VRTN: variants seen among roughly 807,000 people sequenced by gnomAD.
The protein encoded by VRTN is vertebrae development associated, also known as vertnin.
VRTN carries 5 observed loss-of-function variants against 18.2 expected under a neutral mutation model. The observed-to-expected ratio is 0.27, with a 90% CI of 0.14 to 0.58. VRTN has a LOEUF of 0.58. Ranked by LOEUF, VRTN falls within the 20% of genes least tolerant of loss-of-function variation. The probability of loss-of-function intolerance (pLI) is 0.91; values close to 1 mark genes in which losing one functional copy is unlikely to be tolerated. For missense variants in VRTN, 741 were observed against 939.4 expected (o/e 0.79, Z 2.76); for synonymous variants, 381 against 393.7 (o/e 0.97, Z 0.38).
chr14:74,332,203 C>A (rs1355682084), intron 1 of VRTN, among the ~76,000 whole-genome samples: 1 of 152,006 alleles, frequency 6.6e-6, no homozygotes, highest in Admixed American at 6.6e-5. Context: ...CAAACCTACT[C>A]ACTCCCAATC....
rs150180477 is a variant in VRTN at position 74,313,417 on chromosome 14, GAA to G, written c.-164+10243_-164+10244del. On this transcript the variant is annotated intron_variant, in intron 1 of 2. Transcript: ENST00000557177. ...CAATGTGAAAGTTCTTAAAAAAAAT[GAA>G]AGTTTGTTAAAATACTCAAGAATAG... Among the ~76,000 whole-genome samples the G allele has an allele frequency of 6.4e-3, 976 of 152,272 alleles. 9 individuals carry two copies. The highest frequency in any genetic ancestry group is 0.022 in the African/African-American group (924 of 41,564).
At chr14:74,342,248 GA>G (rs35159504) in intron 2 of VRTN, among the ~76,000 whole-genome samples, 80 of 143,524 alleles carry the variant, frequency 5.6e-4, no homozygotes, top group Middle Eastern at 7.4e-3. Flanking sequence ...CCCTGCTTCA[GA>G]AAAAAAAAAA....
chr14:74,354,970 C>T (rs933289257), intron 1 of VRTN, among the ~76,000 whole-genome samples: 5 of 151,646 alleles, frequency 3.3e-5, no homozygotes, highest in East Asian at 3.9e-4. Context: ...GGTGAAACCC[C>T]GTCTCTACTA....
rs1459684472 is a variant in VRTN, at chr14:74,359,231, A to G, written c.*339A>G. ...AAGCCGTATGTATGTCAGGGGGTTT[A>G]GAGGGGGGTTGGTTAGCTAGAGCTG... On this transcript the variant is annotated 3_prime_UTR_variant, in exon 2 of 2. Coordinates refer to ENST00000256362, the MANE Select transcript of VRTN (RefSeq NM_018228.3). 8.2e-6 allele frequency: 2 copies of G among 243,220 alleles called. No homozygotes were observed. Among genetic ancestry groups the G allele is most frequent in the Non-Finnish European group, 1.7e-5 (2 of 117,720 alleles). 15.1% of individuals were successfully genotyped at this position (243,220 alleles called of 1,614,324 possible).
chr14:74,325,263 T>G (rs1340247458), intron 1 of VRTN, among the ~76,000 whole-genome samples: 2 of 151,998 alleles, frequency 1.3e-5, no homozygotes, highest in South Asian at 2.1e-4. Flanking sequence ...AATGAGAAAC[T>G]AACGCAGATT....
intron 1 of VRTN, among the ~76,000 whole-genome samples, chr14:74,332,194 A>C (rs2085530550): frequency 6.6e-6 from 1 of 151,958 alleles, no homozygotes; most frequent in African/African-American, 2.4e-5. Flanking sequence ...GACCCCTCCC[A>C]AACCTACTCA....
At chr14:74,313,854 A>T (rs1164985179) in intron 1 of VRTN, among the ~76,000 whole-genome samples, 1 of 152,142 alleles carries the variant, frequency 6.6e-6, no homozygotes, top group African/African-American at 2.4e-5. Flanking sequence ...GTGGTGGTGC[A>T]AGCTGTAGTC....
chr14:74,335,802 A>G (rs530861949), intron 1 of VRTN, among the ~76,000 whole-genome samples: 3 of 144,290 alleles, frequency 2.1e-5, no homozygotes, highest in Non-Finnish European at 4.5e-5. Flanking sequence ...GTGCAGTGGT[A>G]TGGTCTCGGC....
At position 74,359,079 on chromosome 14, in the gene VRTN, G is replaced by C. The variant is rs892635240; in HGVS notation, c.*187G>C. The C allele has an allele frequency of 3.4e-6, 4 of 1,166,402 alleles. No individual in the cohort carries two copies. The highest frequency in any genetic ancestry group is 6.4e-5 in the Admixed American group (2 of 31,224). The allele number at this position is 1,166,402 out of a possible 1,614,324, so 72.3% of individuals were successfully genotyped here. A position where few individuals can be genotyped will look rare whatever the true frequency, so the allele number is the denominator to read the frequency against. On this transcript the variant is annotated 3_prime_UTR_variant, in exon 2 of 2. Coordinates refer to ENST00000256362, the MANE Select transcript of VRTN (RefSeq NM_018228.3). ...GAGAATGCCAGAAATCAGCCATCTG[G>C]TCTCCCGTAGGAAACTGTGGGACCA...
intron 1 of VRTN, 116 bp from the exon 2 acceptor site, chr14:74,356,667 G>A: frequency 1.5e-6 from 2 of 1,369,916 alleles, no homozygotes; most frequent in Non-Finnish European, 9.7e-7. Flanking sequence ...TGGGAGGACG[G>A]GAGCAGATAG....
chr14:74,346,221 C>G (rs1456313008), upstream of VRTN, among the ~76,000 whole-genome samples: 2 of 151,872 alleles, frequency 1.3e-5, no homozygotes, highest in Non-Finnish European at 2.9e-5. Context: ...CAGGATCACT[C>G]GAGCTCGGAG....
intron 1 of VRTN, among the ~76,000 whole-genome samples, chr14:74,318,513 C>T (rs557859430): frequency 9.9e-5 from 15 of 152,146 alleles, no homozygotes; most frequent in African/African-American, 2.2e-4. Flanking sequence ...TCAGGTGATC[C>T]GCCTGCCTCG....
chr14:74,305,820 G>A (rs1224989470), intron 1 of VRTN, among the ~76,000 whole-genome samples: 1 of 151,946 alleles, frequency 6.6e-6, no homozygotes, highest in Non-Finnish European at 1.5e-5. Context: ...CTTTTATGTC[G>A]AGACAGGGTT....
chr14:74,318,428 G>A (rs139365556), intron 1 of VRTN, among the ~76,000 whole-genome samples: 180 of 152,178 alleles, frequency 1.2e-3, no homozygotes, highest in African/African-American at 4.2e-3. Flanking sequence ...GCGCCACCAC[G>A]CCCGGCTATT....
chr14:74,308,089 A>G (rs886600117), intron 1 of VRTN, among the ~76,000 whole-genome samples: 14 of 152,046 alleles, frequency 9.2e-5, no homozygotes, highest in African/African-American at 3.4e-4. Flanking sequence ...TTTTCTTTTT[A>G]TTTTATTTTT....
intron 1 of VRTN, among the ~76,000 whole-genome samples, chr14:74,336,463 C>T (rs532266932): frequency 1.3e-5 from 2 of 152,090 alleles, no homozygotes; most frequent in African/African-American, 4.8e-5. Flanking sequence ...CATTAGTTTG[C>T]TCCATTTATA....
intron 1 of VRTN, among the ~76,000 whole-genome samples, chr14:74,333,661 G>A (rs2085543562): frequency 6.6e-6 from 1 of 152,046 alleles, no homozygotes; most frequent in African/African-American, 2.4e-5. Context: ...TCAACATGGT[G>A]AAACCCCATC....
At chr14:74,332,948 T>C (rs548980046) in intron 1 of VRTN, among the ~76,000 whole-genome samples, 6 of 152,310 alleles carry the variant, frequency 3.9e-5, no homozygotes, top group African/African-American at 1.4e-4. Flanking sequence ...GACATGTCTG[T>C]TACATGGCTT....
In VRTN at chr14:74,357,423, G is replaced by T; in HGVS notation, c.640G>T (p.Val214Leu). 6.2e-7 allele frequency: 1 copy of T among 1,612,496 alleles called. No individual in the cohort carries two copies. The highest frequency in any genetic ancestry group is 8.5e-7 in the Non-Finnish European group (1 of 1,180,002). ...CATCCGGCCCCGCCGCTGCGACCAC[G>T]TGCCCTCCACGCTGCACATCATGTG... ...RVIRPRRCDH[V>L]PSTLHIMWAG... is the part of the protein sequence containing the mutation. The change falls in exon 2 of 2, where the codon GTG becomes TTG. Residue 214 changes from valine (V) to leucine (L), a missense_variant. Physicochemically the swap from Val to Leu is conservative, Grantham distance 32 (BLOSUM62 1). Around this residue, in one of 3 missense-constraint regions of VRTN, gnomAD observed 494 missense variants for 546.5 expected, o/e 0.90. Coordinates refer to ENST00000256362, the MANE Select transcript of VRTN (RefSeq NM_018228.3). The surrounding 1 kb of genome is among the most constrained non-coding windows in gnomAD (Gnocchi z 7.8).
Sources: allele counts gnomAD v4.1 joint callset (sites outside exome capture counted in the v4.1 genomes callset), GRCh38; gene constraint gnomAD v4.1.1; regional missense constraint gnomAD v4.1.1; non-coding constraint Gnocchi (gnomAD v3.1); transcripts MANE v1.5; gene names NCBI Gene and HGNC (gene_info 2026-07-23, HGNC 2026-07-21).